Variants in FMNL2 observed in about 807,000 individuals in gnomAD.
FMNL2 encodes formin like 2.
Under a neutral mutation model 130.2 loss-of-function variants are expected in FMNL2, and 51 were observed. That is an observed-to-expected ratio of 0.39 (90% CI 0.31 to 0.49). FMNL2 has a LOEUF of 0.49. FMNL2 is among the 20% of genes least tolerant of loss of function. The probability of loss-of-function intolerance (pLI) is 0.85; values close to 1 mark genes in which losing one functional copy is unlikely to be tolerated. For missense variants in FMNL2, 977 were observed against 1,316.2 expected, an observed-to-expected ratio of 0.74 and a Z score of 3.99; for synonymous variants, 465 against 467.1, an observed-to-expected ratio of 1.00 and a Z score of 0.06.
chr2:152,408,875 A>G (rs895420906), intron 1 of FMNL2, among the ~76,000 whole-genome samples: 3 of 152,196 alleles, frequency 2.0e-5, no homozygotes, highest in African/African-American at 7.2e-5. Flanking sequence ...CTTTTGCACC[A>G]TTGTAAAATT....
At chr2:152,409,973 C>T (rs749089407) in intron 1 of FMNL2, among the ~76,000 whole-genome samples, 2 of 152,082 alleles carry the variant, frequency 1.3e-5, no homozygotes, top group Admixed American at 6.6e-5. Context: ...GGTGTGTGAA[C>T]TCGAGACAAA....
chr2:152,617,255 C>A, intron 13 of FMNL2, 63 bp downstream of exon 13: 1 of 1,409,676 alleles, frequency 7.1e-7, no homozygotes, highest in Non-Finnish European at 1.0e-6. Context: ...AGCTTTCGTC[C>A]AGTGGAACGC....
chr2:152,612,614 C>A (rs1467896020), intron 11 of FMNL2, among the ~76,000 whole-genome samples: 1 of 152,124 alleles, frequency 6.6e-6, no homozygotes, highest in Non-Finnish European at 1.5e-5. Context: ...TTGTTGACCT[C>A]AATTTCCTTC....
At chr2:152,513,675 A>T (rs150421697) in intron 1 of FMNL2, among the ~76,000 whole-genome samples, 43 of 152,258 alleles carry the variant, frequency 2.8e-4, no homozygotes, top group African/African-American at 9.9e-4. Context: ...TAAGATTGTG[A>T]TTGAGAGATT....
intron 1 of FMNL2, among the ~76,000 whole-genome samples, chr2:152,400,437 A>C (rs1353008804): frequency 6.9e-6 from 1 of 145,646 alleles, no homozygotes; most frequent in East Asian, 2.1e-4. Context: ...ACTCGGTCTC[A>C]AAAAAACAAA....
chr2:152,445,843 A>G lies in FMNL2; in HGVS notation c.118-76100A>G, dbSNP rs559882932. Among the ~76,000 whole-genome samples the G allele has an allele frequency of 1.1e-4, 17 of 152,356 alleles. No homozygotes were observed. The South Asian group carries it at 2.1e-3, about 19-fold the overall frequency. ...ATAGAATTGCCATCAGCCAGTCGTC[A>G]GGGTTCCGGGTCAGCTGGTTGACAA... On this transcript the variant is annotated intron_variant, in intron 1 of 25. Coordinates refer to ENST00000288670, the MANE Select transcript of FMNL2 (RefSeq NM_052905.4).
intron 20 of FMNL2, among the ~76,000 whole-genome samples, chr2:152,630,673 G>A (rs544251217): frequency 6.6e-6 from 1 of 152,262 alleles, no homozygotes; most frequent in East Asian, 1.9e-4. Context: ...CTGGCCTCCA[G>A]CAGATCATGA....
chr2:152,483,151 G>A (rs1690626092), intron 1 of FMNL2, among the ~76,000 whole-genome samples: 1 of 152,076 alleles, frequency 6.6e-6, no homozygotes, highest in South Asian at 2.1e-4. Flanking sequence ...ACTGGACATT[G>A]TTTTTCATGG....
At chr2:152,399,400 A>G (rs759949549) in intron 1 of FMNL2, among the ~76,000 whole-genome samples, 9 of 152,204 alleles carry the variant, frequency 5.9e-5, no homozygotes, top group Non-Finnish European at 8.8e-5. Context: ...CCTTTTTAAT[A>G]GATGCTGGTC....
chr2:152,412,405 C>T (rs1407021714), intron 1 of FMNL2, among the ~76,000 whole-genome samples: 1 of 137,974 alleles, frequency 7.2e-6, no homozygotes, highest in African/African-American at 2.9e-5. Flanking sequence ...TGTCTCTTCT[C>T]CCTTCAGTCT....
chr2:152,645,306 T>C (rs990740175), intron 25 of FMNL2: 1 of 414,146 alleles, frequency 2.4e-6, no homozygotes, highest in African/African-American at 2.1e-5. Flanking sequence ...CTTGTAGTAA[T>C]GGCTTCTCAT....
intron 1 of FMNL2, among the ~76,000 whole-genome samples, chr2:152,427,524 GAT>G (rs1409746377): frequency 1.3e-5 from 2 of 152,146 alleles, no homozygotes; most frequent in Non-Finnish European, 2.9e-5. Context: ...CAGCCTAGGC[GAT>G]AGAGTGAGAC....
chr2:152,471,685 T>TCTTC (rs2105183753), intron 1 of FMNL2, among the ~76,000 whole-genome samples: 1 of 152,266 alleles, frequency 6.6e-6, no homozygotes, highest in Admixed American at 6.5e-5. Context: ...AATAGGAACC[T>TCTTC]CTTCATATAC....
intron 6 of FMNL2, among the ~76,000 whole-genome samples, chr2:152,573,001 CA>C (rs1558974244): frequency 6.6e-6 from 1 of 152,070 alleles, no homozygotes; most frequent in African/African-American, 2.4e-5. Flanking sequence ...AGTAAATTTT[CA>C]GAGGTAAAGA....
At chr2:152,626,811 C>A in intron 17 of FMNL2, 84 bp downstream of exon 17, 1 of 1,352,756 alleles carries the variant, frequency 7.4e-7, no homozygotes, top group Non-Finnish European at 1.0e-6. Flanking sequence ...ACAAATATTT[C>A]AATAGTGAGA....
intron 1 of FMNL2, among the ~76,000 whole-genome samples, chr2:152,493,741 A>C (rs1691345411): frequency 6.6e-6 from 1 of 152,210 alleles, no homozygotes; most frequent in African/African-American, 2.4e-5. Context: ...TGAGGCTCTC[A>C]CCAGGAGCAG....
At chr2:152,490,912 T>C (rs1691149290) in intron 1 of FMNL2, among the ~76,000 whole-genome samples, 1 of 152,000 alleles carries the variant, frequency 6.6e-6, no homozygotes, top group South Asian at 2.1e-4. Flanking sequence ...GGAAAAAACA[T>C]CATCTTCAAT....
intron 15 of FMNL2, chr2:152,621,033 A>G: frequency 2.0e-6 from 2 of 985,408 alleles, no homozygotes; most frequent in Non-Finnish European, 2.4e-6. Flanking sequence ...TGGAATATAA[A>G]CAGACAAACA....
At chr2:152,544,748 A>T (rs1184769318) in intron 3 of FMNL2, among the ~76,000 whole-genome samples, 2 of 151,876 alleles carry the variant, frequency 1.3e-5, no homozygotes, top group Non-Finnish European at 2.9e-5. Context: ...AAATATGCAC[A>T]CTCCTAGGGA....
Sources: allele counts gnomAD v4.1 joint callset (sites outside exome capture counted in the v4.1 genomes callset), GRCh38; gene constraint gnomAD v4.1.1; transcripts MANE v1.5; gene names NCBI Gene and HGNC (gene_info 2026-07-23, HGNC 2026-07-21).